Variants in HECW2 observed in about 807,000 individuals in gnomAD.
HECW2 encodes HECT, C2 and WW domain containing E3 ubiquitin protein ligase 2.
A neutral mutation model predicts 175.2 loss-of-function variants in HECW2; 61 were observed. The ratio of observed to expected loss-of-function variants is 0.35; its 90% CI spans 0.28 to 0.43. The LOEUF is 0.43. Ranked by LOEUF, HECW2 falls within the 20% of genes least tolerant of loss-of-function variation. The pLI is 1.00. For synonymous variants in HECW2, 671 were observed against 731.0 expected (o/e 0.92, Z 1.32); for missense variants, 1,524 against 2,000.5 (o/e 0.76, Z 4.54).
At chr2:196,395,056 T>C (rs1694621632) in intron 2 of HECW2, among the ~76,000 whole-genome samples, 1 of 152,084 alleles carries the variant, frequency 6.6e-6, no homozygotes, top group Admixed American at 6.5e-5. Flanking sequence ...ACTAATCCCA[T>C]TCATGAGAGG....
At chr2:196,362,115 G>A in intron 2 of HECW2, 3 of 985,300 alleles carry the variant, frequency 3.0e-6, no homozygotes, top group Non-Finnish European at 3.6e-6. Flanking sequence ...TGTCCAGTAT[G>A]AATGACACTA....
intron 2 of HECW2, among the ~76,000 whole-genome samples, chr2:196,357,884 G>T (rs751214033): frequency 6.6e-6 from 1 of 152,218 alleles, no homozygotes; most frequent in African/African-American, 2.4e-5. Flanking sequence ...CCCCAGCCAT[G>T]TGGAACTGTG....
chr2:196,509,034 C>A (rs1010718297), intron 1 of HECW2, among the ~76,000 whole-genome samples: 3 of 152,106 alleles, frequency 2.0e-5, no homozygotes, highest in Admixed American at 6.5e-5. Flanking sequence ...CACCACTGCA[C>A]TCCAGACAAA....
At chr2:196,436,503 A>C (rs1051799938) in intron 1 of HECW2, among the ~76,000 whole-genome samples, 4 of 152,120 alleles carry the variant, frequency 2.6e-5, no homozygotes, top group Non-Finnish European at 5.9e-5. Flanking sequence ...AAAAGCATTA[A>C]GGATACAACA....
chr2:196,365,514 T>C (rs953103491), intron 2 of HECW2, among the ~76,000 whole-genome samples: 2 of 152,242 alleles, frequency 1.3e-5, no homozygotes, highest in African/African-American at 4.8e-5. Flanking sequence ...CCTGTGTTCC[T>C]AAAGCAGCCA....
chr2:196,308,213 A>C, intron 10 of HECW2, 128 bp from the exon 11 acceptor site: 9 of 613,546 alleles, frequency 1.5e-5, no homozygotes, highest in Non-Finnish European at 2.4e-5. Flanking sequence ...CATACATCTC[A>C]CTGCACTATC....
chr2:196,528,093 T>C (rs1018511839), intron 1 of HECW2, among the ~76,000 whole-genome samples: 4 of 152,328 alleles, frequency 2.6e-5, no homozygotes, highest in South Asian at 2.1e-4. Flanking sequence ...ATGGAGGTGA[T>C]AGCAACTGTA....
chr2:196,264,102 T>C (rs1300607887), intron 17 of HECW2: 2 of 152,226 alleles, frequency 1.3e-5, no homozygotes, highest in Admixed American at 6.5e-5. Context: ...GCTTATTTTG[T>C]TTGCTTTGTA....
Position 196,253,945 on chromosome 2 carries a change from G to A in HECW2, c.3504C>T (p.Pro1168=), listed in dbSNP as rs141921657. The part of the protein sequence containing the change: ...PSYCQSPRGS[P]VSSPQNSPGT... ...CTGGCGAGTTCTGAGGAGATGACAC[G>A]GGAGAGCCACGTGGGGACTGACAGT... Residue 1168 remains proline, a synonymous_variant, in exon 19 of 29, where the codon CCC becomes CCT. Transcript: ENST00000644978. 8.1e-6 allele frequency: 13 copies of A among 1,613,908 alleles called. No homozygotes were observed. Among genetic ancestry groups the A allele is most frequent in the African/African-American group, 5.3e-5 (4 of 74,936 alleles).
chr2:196,253,770 T>TA, intron 19 of HECW2, 150 bp downstream of exon 19: 1 of 611,678 alleles, frequency 1.6e-6, no homozygotes. Context: ...AAGCCACTCT[T>TA]ACGAGACAGG....
intron 1 of HECW2, among the ~76,000 whole-genome samples, chr2:196,576,900 T>C (rs1690581941): frequency 1.3e-5 from 2 of 152,110 alleles, no homozygotes; most frequent in Admixed American, 6.5e-5. Context: ...GATGTAGAAA[T>C]AAAAATAAAC....
chr2:196,494,499 G>A (rs563963148), intron 1 of HECW2, among the ~76,000 whole-genome samples: 1 of 152,288 alleles, frequency 6.6e-6, no homozygotes, highest in East Asian at 1.9e-4. Flanking sequence ...GAGAAGGCAG[G>A]GAGAGGGACA....
intron 2 of HECW2, among the ~76,000 whole-genome samples, chr2:196,378,434 C>T (rs1234933676): frequency 2.0e-5 from 3 of 152,138 alleles, no homozygotes; most frequent in African/African-American, 4.8e-5. Context: ...GTATAGCTTT[C>T]CCCATTGGCC....
intron 1 of HECW2, among the ~76,000 whole-genome samples, chr2:196,539,799 G>A (rs966685373): frequency 1.3e-5 from 2 of 152,152 alleles, no homozygotes; most frequent in Non-Finnish European, 2.9e-5. Flanking sequence ...AGGTTCAATA[G>A]CACAAAAGGA....
intron 1 of HECW2, among the ~76,000 whole-genome samples, chr2:196,552,408 T>C (rs1534382): frequency 0.14 from 21,723 of 152,166 alleles, 1,631 homozygotes; most frequent in Middle Eastern, 0.25. Flanking sequence ...ATTTCTTACT[T>C]TCCCCATTCT....
intron 2 of HECW2, among the ~76,000 whole-genome samples, chr2:196,408,995 T>C (rs150859414): frequency 4.4e-4 from 67 of 152,332 alleles, no homozygotes; most frequent in Middle Eastern, 3.4e-3. Context: ...CGGGAGTCTA[T>C]TGTTAACTTT....
At chr2:196,225,048 A>G (rs936742808) in intron 23 of HECW2, among the ~76,000 whole-genome samples, 1 of 152,236 alleles carries the variant, frequency 6.6e-6, no homozygotes, top group Admixed American at 6.5e-5. Context: ...GAGCCAAGTG[A>G]TAATTCAGTG....
rs59563276 is a variant in HECW2 at position 196,437,611 on chromosome 2, C to CAAAAAA, written c.-35-4159_-35-4154dup. Among the ~76,000 whole-genome samples, 2 of 55,786 alleles carry CAAAAAA rather than the reference C, an allele frequency of 3.6e-5. 1 individual carries two copies. The allele number at this position is 55,786 out of a possible 152,430, so 36.6% of individuals were successfully genotyped here. ...TGGGCAACAGAGTGAGACTCTGTCTCAAAAAAAAAAAAAGCACCAGCCTTG... is the reference window on the plus strand; with the variant it reads ...TGGGCAACAGAGTGAGACTCTGTCTCAAAAAAAAAAAAAAAAAAAGCACCAGCCTTG... On this transcript the variant is annotated intron_variant, in intron 1 of 28. Coordinates refer to ENST00000644978, the MANE Select transcript of HECW2 (RefSeq NM_001348768.2).
Position 196,313,782 on chromosome 2 carries a change from TG to T in HECW2, c.2434+3491del, listed in dbSNP as rs200956881. ...AAAAAAGAATCAAAGCCAGACACAG[TG>T]GCTCGCACCTATAATCCCAGCACTT... On this transcript the variant is annotated intron_variant, in intron 10 of 28. Coordinates refer to ENST00000644978, the MANE Select transcript of HECW2 (RefSeq NM_001348768.2). Among the ~76,000 whole-genome samples the T allele has an allele frequency of 2.2e-3, 334 of 152,332 alleles. 4 individuals are homozygous for T. The East Asian group carries it at 0.032, about 15-fold the overall frequency.
Sources: allele counts gnomAD v4.1 joint callset (sites outside exome capture counted in the v4.1 genomes callset), GRCh38; gene constraint gnomAD v4.1.1; transcripts MANE v1.5; gene names NCBI Gene and HGNC (gene_info 2026-07-23, HGNC 2026-07-21).